LRRC37B: variants seen among roughly 807,000 people sequenced by gnomAD.
LRRC37B encodes leucine rich repeat containing 37B.
A neutral mutation model predicts 98.3 loss-of-function variants in LRRC37B; 28 were observed. That is an observed-to-expected ratio of 0.28 (90% CI 0.21 to 0.39). The LOEUF (loss-of-function observed/expected upper bound fraction) is 0.39, where lower values mean the gene tolerates loss of function less well. Ranked by LOEUF, LRRC37B falls within the 10% of genes least tolerant of loss-of-function variation. LRRC37B has a pLI of 1.00. For synonymous variants in LRRC37B, 364 were observed against 442.7 expected (o/e 0.82, Z 2.23); for missense variants, 938 against 1,182.7 (o/e 0.79, Z 3.03).
intron 3 of LRRC37B, among the ~76,000 whole-genome samples, chr17:32,029,434 A>G (rs1469824536): frequency 6.6e-6 from 1 of 152,210 alleles, no homozygotes; most frequent in Non-Finnish European, 1.5e-5. Flanking sequence ...TGGGATGAAC[A>G]ATAACTACAT....
At chr17:32,008,199 T>TA in intron 1 of LRRC37B, 67 bp downstream of exon 1, 1 of 205,928 alleles carries the variant, frequency 4.9e-6, no homozygotes, top group East Asian at 1.3e-4. Flanking sequence ...CTTGCTCACT[T>TA]ATGTGCTGTG....
chr17:32,011,352 T>G (rs1371889227), intron 1 of LRRC37B, among the ~76,000 whole-genome samples: 4 of 152,004 alleles, frequency 2.6e-5, no homozygotes, highest in African/African-American at 9.7e-5. Context: ...TACCTCATTT[T>G]CTTTGATTTT....
At chr17:32,041,795 C>T (rs966553293) in intron 7 of LRRC37B, 4 of 458,848 alleles carry the variant, frequency 8.7e-6, no homozygotes, top group Non-Finnish European at 1.8e-5. Flanking sequence ...CCTCCCTGCT[C>T]CCCAACTCCT....
intron 7 of LRRC37B, chr17:32,040,411 G>A (rs1467856572): frequency 2.7e-5 from 14 of 526,008 alleles, no homozygotes; most frequent in South Asian, 8.4e-5. Context: ...CGGTCCGGGC[G>A]GAGGTTCTGC....
At chr17:32,048,715 T>C (rs1240709879) in intron 9 of LRRC37B, among the ~76,000 whole-genome samples, 1 of 152,196 alleles carries the variant, frequency 6.6e-6, no homozygotes, top group African/African-American at 2.4e-5. Context: ...GAAAGGGCAG[T>C]TATCTCAACA....
chr17:32,019,074 G>A (rs1391374958), upstream of LRRC37B, among the ~76,000 whole-genome samples: 2 of 151,986 alleles, frequency 1.3e-5, no homozygotes, highest in African/African-American at 4.8e-5. Context: ...TTATAGGCAC[G>A]CACCACCATA....
intron 7 of LRRC37B, among the ~76,000 whole-genome samples, chr17:32,045,153 T>A (rs1308223394): frequency 1.4e-5 from 2 of 146,000 alleles, no homozygotes; most frequent in Non-Finnish European, 3.0e-5. Flanking sequence ...TCTTCATGGA[T>A]TTTTTATATA....
At chr17:32,022,021 C>T (rs1372115805) in exon 1 of LRRC37B, 1 of 1,614,020 alleles carries the variant, frequency 6.2e-7, no homozygotes. Flanking sequence ...CTACAGCTCC[C>T]TCAGGAGGTA....
chr17:32,008,112 G>A, exon 1 of LRRC37B: 1 of 391,070 alleles, frequency 2.6e-6, no homozygotes. Context: ...TCCACGGAAA[G>A]CAGCTTCAGC....
At chr17:32,049,328 A>G in exon 10 of LRRC37B, 1 of 1,613,526 alleles carries the variant, frequency 6.2e-7, no homozygotes, top group Non-Finnish European at 8.5e-7. Flanking sequence ...ATACGGACCA[A>G]CAAAAAACAA....
At chr17:32,022,019 C>T in exon 1 of LRRC37B, 2 of 1,614,002 alleles carry the variant, frequency 1.2e-6, no homozygotes, top group Non-Finnish European at 1.7e-6. Flanking sequence ...TTCTACAGCT[C>T]CCTCAGGAGG....
chr17:32,039,479 A>AATATATAT (rs1185838390), intron 7 of LRRC37B, among the ~76,000 whole-genome samples: 43 of 38,788 alleles, frequency 1.1e-3, no homozygotes, highest in Non-Finnish European at 1.5e-3. Flanking sequence ...CCTGCCTAAA[A>AATATATAT]ATATATATAT....
chr17:32,037,022 C>T (rs868041719), intron 7 of LRRC37B, among the ~76,000 whole-genome samples: 2 of 112,376 alleles, frequency 1.8e-5, no homozygotes, highest in Non-Finnish European at 3.3e-5. Context: ...CAGTCTTGCT[C>T]TATCCCCAGG....
chr17:32,051,997 T>C (rs1911773913), intron 11 of LRRC37B: 1 of 151,634 alleles, frequency 6.6e-6, no homozygotes, highest in Non-Finnish European at 1.5e-5. Context: ...GTGGTACATC[T>C]GAAAAGCATT....
At chr17:32,040,580 A>C in intron 7 of LRRC37B, 3 of 768,368 alleles carry the variant, frequency 3.9e-6, no homozygotes, top group Non-Finnish European at 7.3e-6. Flanking sequence ...AAATGCTGGC[A>C]AGGACCATCA....
exon 1 of LRRC37B, chr17:32,022,505 A>T: frequency 6.2e-7 from 1 of 1,613,398 alleles, no homozygotes; most frequent in South Asian, 1.1e-5. Flanking sequence ...GGCTTGCCAT[A>T]ACTCCAGAAC....
intron 3 of LRRC37B, among the ~76,000 whole-genome samples, chr17:32,029,855 C>T (rs501325): frequency 0.011 from 1,644 of 151,640 alleles, 27 homozygotes; most frequent in East Asian, 0.054. Flanking sequence ...CTGGACTCCG[C>T]CCTCATAGTT....
At chr17:32,030,942 T>C (rs909273879) in intron 4 of LRRC37B, among the ~76,000 whole-genome samples, 1 of 152,182 alleles carries the variant, frequency 6.6e-6, no homozygotes, top group African/African-American at 2.4e-5. Flanking sequence ...TCAACTGGTG[T>C]GATTTTGTAC....
At chr17:32,016,049 A>G (rs1170062909), upstream of LRRC37B, among the ~76,000 whole-genome samples, 1 of 152,224 alleles carries the variant, frequency 6.6e-6, no homozygotes, top group Non-Finnish European at 1.5e-5. Context: ...TAATTAAATA[A>G]CAGATTATGA....
Sources: gnomAD v4.1 joint callset for allele counts (sites outside exome capture counted in the v4.1 genomes callset) on GRCh38, gnomAD v4.1.1 for gene constraint, MANE v1.5 for transcripts, NCBI Gene and HGNC (gene_info 2026-07-23, HGNC 2026-07-21) for gene names.